Variants in KDM4C observed in about 807,000 individuals in gnomAD.
The protein encoded by KDM4C is lysine-specific demethylase 4C.
A neutral mutation model predicts 129.3 loss-of-function variants in KDM4C; 81 were observed. The observed-to-expected ratio is 0.63, with a 90% CI of 0.52 to 0.75. The LOEUF is 0.75. Among genes scored for constraint, KDM4C ranks in the 30% least tolerant of loss-of-function variants. The pLI is 0.00. For synonymous variants in KDM4C, 573 were observed against 456.1 expected (o/e 1.26, Z -3.26); for missense variants, 1,457 against 1,304.0 (o/e 1.12, Z -1.81).
intron 18 of KDM4C, among the ~76,000 whole-genome samples, chr9:7,107,978 C>T (rs753762003): frequency 1.3e-5 from 2 of 152,146 alleles, no homozygotes; most frequent in Admixed American, 6.5e-5. Context: ...TGGAGAAGAA[C>T]GAGAACTTGT....
chr9:6,776,506 C>T (rs922808042), intron 1 of KDM4C, among the ~76,000 whole-genome samples: 1 of 151,526 alleles, frequency 6.6e-6, no homozygotes, highest in Admixed American at 6.6e-5. Flanking sequence ...TCCCAAAGTG[C>T]TGGGATTACA....
At chr9:7,027,375 G>C (rs370738799) in intron 15 of KDM4C, among the ~76,000 whole-genome samples, 6 of 152,138 alleles carry the variant, frequency 3.9e-5, no homozygotes, top group African/African-American at 1.4e-4. Context: ...AAATCCAGAG[G>C]AATTTTCTGG....
chr9:6,776,485 A>T (rs1230442777), intron 1 of KDM4C, among the ~76,000 whole-genome samples: 2 of 150,784 alleles, frequency 1.3e-5, no homozygotes, highest in African/African-American at 4.9e-5. Flanking sequence ...GATGGTCTTG[A>T]TCTCTTGACC....
chr9:7,142,318 T>G (rs1841827571), intron 19 of KDM4C, among the ~76,000 whole-genome samples: 2 of 152,208 alleles, frequency 1.3e-5, no homozygotes, highest in Admixed American at 6.5e-5. Context: ...GATGGGGTCT[T>G]TCGCTATCCA....
At chr9:6,951,469 C>G (rs1257168749) in intron 8 of KDM4C, among the ~76,000 whole-genome samples, 1 of 152,116 alleles carries the variant, frequency 6.6e-6, no homozygotes, top group Non-Finnish European at 1.5e-5. Flanking sequence ...ATGGGCACCA[C>G]TAGTTGCATT....
chr9:6,975,726 C>G (rs984951400), intron 8 of KDM4C, among the ~76,000 whole-genome samples: 1 of 151,946 alleles, frequency 6.6e-6, no homozygotes, highest in Admixed American at 6.5e-5. Context: ...AGATAATTCA[C>G]TAATGGTTCA....
chr9:6,745,509 A>G (rs1817843609), intron 1 of KDM4C, among the ~76,000 whole-genome samples: 1 of 141,536 alleles, frequency 7.1e-6, no homozygotes, highest in Admixed American at 7.5e-5. Context: ...AGGCTGGAGG[A>G]TTGCTGTAGC....
At chr9:7,021,155 T>C (rs557921022) in intron 15 of KDM4C, among the ~76,000 whole-genome samples, 2 of 146,778 alleles carry the variant, frequency 1.4e-5, no homozygotes, top group Admixed American at 6.8e-5. Context: ...TATATATATG[T>C]ATTTTTTTTT....
At chr9:7,152,084 T>G (rs1450475537) in intron 19 of KDM4C, among the ~76,000 whole-genome samples, 1 of 152,248 alleles carries the variant, frequency 6.6e-6, no homozygotes, top group Non-Finnish European at 1.5e-5. Flanking sequence ...AACATTAGAT[T>G]TATTTACTGC....
intron 11 of KDM4C, among the ~76,000 whole-genome samples, chr9:6,987,215 C>G (rs1817879633): frequency 6.6e-6 from 1 of 152,170 alleles, no homozygotes; most frequent in South Asian, 2.1e-4. Flanking sequence ...ATGCTTTCTT[C>G]TTACTCTTTC....
At chr9:6,825,168 AGAT>A (rs1260823339) in intron 4 of KDM4C, among the ~76,000 whole-genome samples, 5 of 147,696 alleles carry the variant, frequency 3.4e-5, no homozygotes, top group Non-Finnish European at 6.0e-5. Context: ...AAAAAAAAAA[AGAT>A]AGCTGGATTT....
chr9:6,890,396 C>G (rs994343827), intron 7 of KDM4C, among the ~76,000 whole-genome samples: 1 of 152,214 alleles, frequency 6.6e-6, no homozygotes, highest in Non-Finnish European at 1.5e-5. Flanking sequence ...ACTCAGCCCT[C>G]TTCCTGTAGG....
In KDM4C at chr9:7,171,430, G is replaced by C. The variant is rs138116196; in HGVS notation, c.2994+1540G>C. On this transcript the variant is annotated intron_variant, in intron 21 of 21. Coordinates refer to ENST00000381309, the MANE Select transcript of KDM4C (RefSeq NM_015061.6). ...GAGATGTTAGAGATAGCTTCGTCTC[G>C]TTCTGTATTCCTGTCTTCCTTGGAC... is the stretch of plus-strand genomic sequence containing the variant. Among the ~76,000 whole-genome samples, 5 of 152,222 alleles carry C rather than the reference G, an allele frequency of 3.3e-5. No homozygotes were observed. In the East Asian group the frequency reaches 9.6e-4, roughly 29 times the overall value.
intron 8 of KDM4C, among the ~76,000 whole-genome samples, chr9:6,930,529 AAT>A (rs930686588): frequency 3.5e-5 from 4 of 113,176 alleles, no homozygotes; most frequent in Admixed American, 8.4e-5. Flanking sequence ...ATATAATATG[AAT>A]ATATGTGTTA....
chr9:6,993,154 G>A (rs778795607), intron 12 of KDM4C, among the ~76,000 whole-genome samples: 1 of 152,138 alleles, frequency 6.6e-6, no homozygotes, highest in Non-Finnish European at 1.5e-5. Context: ...ATGTTGAACA[G>A]CAAAACATGA....
chr9:6,992,588 C>T (rs1162026555), intron 12 of KDM4C, among the ~76,000 whole-genome samples: 3 of 152,144 alleles, frequency 2.0e-5, no homozygotes, highest in Non-Finnish European at 2.9e-5. Flanking sequence ...AAATTATTTA[C>T]ATCATTGGGA....
chr9:6,944,361 C>T (rs550482777), intron 8 of KDM4C, among the ~76,000 whole-genome samples: 1 of 152,326 alleles, frequency 6.6e-6, no homozygotes, highest in South Asian at 2.1e-4. Flanking sequence ...TGCAGGATTT[C>T]ATGCACATCA....
At chr9:6,833,060 T>A (rs1381586834) in intron 4 of KDM4C, among the ~76,000 whole-genome samples, 1 of 152,020 alleles carries the variant, frequency 6.6e-6, no homozygotes, top group Non-Finnish European at 1.5e-5. Flanking sequence ...ATTATTGTGT[T>A]TTAAATTTTT....
At chr9:6,780,768 CAAAA>C (rs34457968) in intron 1 of KDM4C, among the ~76,000 whole-genome samples, 49 of 32,150 alleles carry the variant, frequency 1.5e-3, no homozygotes, top group Non-Finnish European at 2.0e-3. Flanking sequence ...AACTCCCTCT[CAAAA>C]AAAAAAAAAA....
Sources: allele counts gnomAD v4.1 joint callset (sites outside exome capture counted in the v4.1 genomes callset), GRCh38; gene constraint gnomAD v4.1.1; transcripts MANE v1.5; gene names NCBI Gene and HGNC (gene_info 2026-07-23, HGNC 2026-07-21).